The following SORCS3 variants were observed in gnomAD, a reference collection of about 807,000 sequenced individuals.
SORCS3 encodes the protein VPS10 domain-containing receptor SorCS3.
In SORCS3, 57 loss-of-function variants were observed where a neutral mutation model predicts 146.3. The ratio of observed to expected loss-of-function variants is 0.39; its 90% confidence interval spans 0.31 to 0.49. The LOEUF is 0.49. SORCS3 is among the 20% of genes least tolerant of loss of function. The pLI, the probability that SORCS3 is intolerant of heterozygous loss-of-function variation, is 0.92. For synonymous variants in SORCS3, 653 were observed against 618.5 expected (o/e 1.06, Z -0.83); for missense variants, 1,341 against 1,575.5 (o/e 0.85, Z 2.52).
At chr10:105,061,652 C>CA (rs57641383) in intron 5 of SORCS3, among the ~76,000 whole-genome samples, 5,406 of 132,474 alleles carry the variant, frequency 0.041, 306 homozygotes, top group African/African-American at 0.14. Context: ...GACCCTATCT[C>CA]AAAAAAAAAA....
At chr10:104,752,355 A>G (rs2016998693) in intron 1 of SORCS3, among the ~76,000 whole-genome samples, 1 of 152,004 alleles carries the variant, frequency 6.6e-6, no homozygotes, top group African/African-American at 2.4e-5. Flanking sequence ...TTTTTTTGTG[A>G]TAAGGAAAAG....
chr10:104,752,875 A>G (rs1589485650), intron 1 of SORCS3, among the ~76,000 whole-genome samples: 4 of 152,192 alleles, frequency 2.6e-5, no homozygotes, highest in African/African-American at 4.8e-5. Context: ...ACAGATTTTT[A>G]TCGTTGGTTA....
At chr10:105,041,546 A>C (rs987081961) in intron 4 of SORCS3, among the ~76,000 whole-genome samples, 1 of 150,136 alleles carries the variant, frequency 6.7e-6, no homozygotes, top group Non-Finnish European at 1.5e-5. Context: ...TACATATATA[A>C]AACTGTCTCT....
chr10:105,077,582 G>T (rs1320426691), intron 5 of SORCS3, among the ~76,000 whole-genome samples: 2 of 148,518 alleles, frequency 1.3e-5, no homozygotes, highest in Non-Finnish European at 3.0e-5. Context: ...ATGGTATTAG[G>T]ATCCAAGTAA....
chr10:104,802,861 G>A (rs916915858), intron 1 of SORCS3, among the ~76,000 whole-genome samples: 1 of 152,142 alleles, frequency 6.6e-6, no homozygotes, highest in Non-Finnish European at 1.5e-5. Flanking sequence ...TGATTAGTTT[G>A]GAGCATAGGC....
At position 105,177,814 on chromosome 10, in the gene SORCS3, T is replaced by C. The variant is rs375120529; in HGVS notation, c.1902-252T>C. Among the ~76,000 whole-genome samples the C allele has an allele frequency of 5.0e-4, 76 of 152,258 alleles. 1 individual carries two copies. The East Asian group carries it at 6.6e-3, about 13-fold the overall frequency. ...CATTCCATCCACTAAGCCCTCCTGC[T>C]TGGGCTGTTTGTCGATTCTAATGTG... On this transcript the variant is annotated intron_variant, in intron 13 of 26. Coordinates refer to ENST00000369701, the MANE Select transcript of SORCS3 (RefSeq NM_014978.3).
intron 2 of SORCS3, among the ~76,000 whole-genome samples, chr10:104,859,752 G>A (rs1205018469): frequency 6.6e-6 from 1 of 151,896 alleles, no homozygotes; most frequent in African/African-American, 2.4e-5. Context: ...TCAAAAAGTG[G>A]GCAAAGGATA....
chr10:104,681,167 G>C (rs1227328649), intron 1 of SORCS3, among the ~76,000 whole-genome samples: 1 of 152,232 alleles, frequency 6.6e-6, no homozygotes, highest in South Asian at 2.1e-4. Context: ...ATGGGGAGAC[G>C]CTCATGAATC....
chr10:105,026,708 T>G (rs1161629636), intron 4 of SORCS3, among the ~76,000 whole-genome samples: 1 of 152,178 alleles, frequency 6.6e-6, no homozygotes, highest in African/African-American at 2.4e-5. Flanking sequence ...ACCATTATAC[T>G]AAGTGAATTA....
intron 2 of SORCS3, among the ~76,000 whole-genome samples, chr10:104,887,964 G>GT (rs2018706957): frequency 1.6e-5 from 2 of 125,178 alleles, no homozygotes; most frequent in South Asian, 2.8e-4. Context: ...GGGGGCGGGG[G>GT]GGCGGGGGCG....
chr10:104,671,210 G>T lies in SORCS3; in HGVS notation c.627+29256G>T, dbSNP rs578139441. Among the ~76,000 whole-genome samples the T allele has an allele frequency of 6.1e-5, 9 of 148,452 alleles. 1 individual carries two copies. The South Asian group carries it at 1.9e-3, about 32-fold the overall frequency. ...AGTATTAGTAAAAGCCAGCTTCCTT[G>T]ACTTGTTCCTGATCCTAGAGGAAAA... On this transcript the variant is annotated intron_variant, in intron 1 of 26. Coordinates refer to ENST00000369701, the MANE Select transcript of SORCS3 (RefSeq NM_014978.3).
At chr10:105,019,592 C>T (rs541014163) in intron 4 of SORCS3, among the ~76,000 whole-genome samples, 3 of 152,196 alleles carry the variant, frequency 2.0e-5, no homozygotes, top group Non-Finnish European at 2.9e-5. Context: ...GATCACACCC[C>T]TCTGAAGCTG....
chr10:104,723,802 G>A (rs1432491997), intron 1 of SORCS3, among the ~76,000 whole-genome samples: 2 of 152,152 alleles, frequency 1.3e-5, no homozygotes, highest in South Asian at 2.1e-4. Context: ...TGCAACCCCT[G>A]CCTTTTTTTG....
chr10:104,834,397 A>G (rs77407083), intron 1 of SORCS3, among the ~76,000 whole-genome samples: 6,811 of 152,080 alleles, frequency 0.045, 476 homozygotes, highest in African/African-American at 0.15. Flanking sequence ...CGCTGGGCAC[A>G]TTCCTGCCTT....
At chr10:105,181,569 G>T (rs1213325953) in intron 14 of SORCS3, among the ~76,000 whole-genome samples, 1 of 152,148 alleles carries the variant, frequency 6.6e-6, no homozygotes, top group African/African-American at 2.4e-5. Flanking sequence ...CCGTAGCTTT[G>T]CAGGAGGATT....
chr10:105,184,481 G>A (rs1197478469), intron 14 of SORCS3, among the ~76,000 whole-genome samples: 1 of 152,034 alleles, frequency 6.6e-6, no homozygotes, highest in East Asian at 1.9e-4. Context: ...AATGCCCATG[G>A]GTTTTTATCC....
At chr10:104,864,399 C>A (rs150433031) in intron 2 of SORCS3, among the ~76,000 whole-genome samples, 17 of 152,278 alleles carry the variant, frequency 1.1e-4, no homozygotes, top group African/African-American at 3.8e-4. Context: ...CAGCCTTAGG[C>A]ATCTTAGGAA....
At chr10:105,103,198 A>T (rs777944630) in intron 6 of SORCS3, among the ~76,000 whole-genome samples, 1 of 152,128 alleles carries the variant, frequency 6.6e-6, no homozygotes, top group Non-Finnish European at 1.5e-5. Context: ...TTTGCATTTG[A>T]GTGTAGTCTC....
rs2055745084 is a variant in SORCS3, at chr10:105,096,141, C to T, written c.1093+6302C>T. Among the ~76,000 whole-genome samples the T allele has an allele frequency of 2.7e-5, 4 of 150,442 alleles. No individual in the cohort carries two copies. The South Asian group carries it at 8.5e-4, about 32-fold the overall frequency. ...ACACACACACACACACAGACACAAA[C>T]AAACAAGCAGGCACACACACACCCT... On this transcript the variant is annotated intron_variant, in intron 6 of 26. Transcript: ENST00000369701.
Sources: gnomAD v4.1 joint callset for allele counts (sites outside exome capture counted in the v4.1 genomes callset) on GRCh38, gnomAD v4.1.1 for gene constraint, MANE v1.5 for transcripts, NCBI Gene and HGNC (gene_info 2026-07-23, HGNC 2026-07-21) for gene names.